Variants in UCHL3 observed in about 807,000 individuals in gnomAD.
UCHL3 encodes ubiquitin C-terminal hydrolase L3, also known as ubiquitin carboxyl-terminal hydrolase isozyme L3.
UCHL3 carries 22 observed loss-of-function variants against 35.8 expected under a neutral mutation model. The observed-to-expected ratio is 0.61, with a 90% CI of 0.44 to 0.88. The LOEUF is 0.88. Ranked by LOEUF, UCHL3 falls within the 40% of genes least tolerant of loss-of-function variation. The pLI is 0.00. For missense variants in UCHL3, 229 were observed against 276.9 expected (o/e 0.83, Z 1.23); for synonymous variants, 90 against 92.8 (o/e 0.97, Z 0.17).
chr13:75,605,772 A>G lies in UCHL3; in HGVS notation c.653A>G (p.Asp218Gly). Residue 218 changes from aspartate to glycine, a missense_variant, in exon 9 of 9, where the codon GAT (aspartate) becomes GGT (glycine). Transcript: ENST00000377595. ...AAGAAGTTTATGGAGCGCGACCCTG[A>G]TGAACTAAGATTTAATGCGATTGCT... Reference protein sequence around the residue: ...VCKKFMERDPDELRFNAIALS... With the variant: ...VCKKFMERDPGELRFNAIALS... The G allele has an allele frequency of 1.9e-6, 3 of 1,614,004 alleles. No individual in the cohort carries two copies. Among genetic ancestry groups the G allele is most frequent in the Non-Finnish European group, 2.5e-6 (3 of 1,179,988 alleles).
chr13:75,578,986 G>C (rs1241780261), intron 6 of UCHL3, among the ~76,000 whole-genome samples: 2 of 152,054 alleles, frequency 1.3e-5, no homozygotes, highest in African/African-American at 2.4e-5. Flanking sequence ...ATCTTCATTA[G>C]ATGTATATGT....
intron 7 of UCHL3, among the ~76,000 whole-genome samples, chr13:75,599,420 A>G (rs1013978631): frequency 4.6e-5 from 7 of 152,140 alleles, no homozygotes; most frequent in Non-Finnish European, 5.9e-5. Context: ...CTTTACATAT[A>G]TTTCATTTTT....
chr13:75,591,873 A>G (rs1360593117), intron 6 of UCHL3, among the ~76,000 whole-genome samples: 2 of 152,124 alleles, frequency 1.3e-5, no homozygotes, highest in Admixed American at 6.6e-5. Flanking sequence ...GATTATTTAT[A>G]TTAGACTTAC....
chr13:75,549,752 G>C, upstream of UCHL3: 1 of 1,455,950 alleles, frequency 6.9e-7, no homozygotes. Context: ...GTCAAGGCGC[G>C]CGTGGGCGGA....
chr13:75,564,385 C>T (rs981499339), intron 3 of UCHL3, among the ~76,000 whole-genome samples: 1 of 151,906 alleles, frequency 6.6e-6, no homozygotes. Flanking sequence ...CTCCTGACCT[C>T]GTGATCCACC....
intron 7 of UCHL3, among the ~76,000 whole-genome samples, chr13:75,597,450 C>T (rs2032672446): frequency 6.6e-6 from 1 of 151,916 alleles, no homozygotes; most frequent in Admixed American, 6.6e-5. Flanking sequence ...TCTGTGGGTT[C>T]TTGCATTGGT....
intron 6 of UCHL3, among the ~76,000 whole-genome samples, chr13:75,572,634 C>T (rs1333004032): frequency 6.6e-6 from 1 of 152,122 alleles, no homozygotes; most frequent in African/African-American, 2.4e-5. Flanking sequence ...CCAGAATTAG[C>T]TCAGAACTGT....
At chr13:75,564,960 T>C (rs572699830) in intron 3 of UCHL3, among the ~76,000 whole-genome samples, 39 of 152,292 alleles carry the variant, frequency 2.6e-4, no homozygotes, top group South Asian at 2.1e-3. Flanking sequence ...CCTCCCAAAG[T>C]GCTGGGATTA....
At position 75,605,854 on chromosome 13, in the gene UCHL3, C is replaced by G. The variant is rs887804108; in HGVS notation, c.*42C>G. On this transcript the variant is annotated 3_prime_UTR_variant, in exon 9 of 9. Coordinates refer to ENST00000377595, the MANE Select transcript of UCHL3 (RefSeq NM_006002.5). ...ACACCAAAAACTGTATTATTTGCAA[C>G]TAAATTTTCTCTGCCATACACTAAC... 3 of 1,595,116 alleles carry G rather than the reference C, an allele frequency of 1.9e-6. No homozygotes were observed. The highest frequency in any genetic ancestry group is 2.7e-5 in the African/African-American group (2 of 74,184).
chr13:75,558,278 T>A (rs2031359409), intron 2 of UCHL3, among the ~76,000 whole-genome samples: 1 of 152,250 alleles, frequency 6.6e-6, no homozygotes, highest in Admixed American at 6.5e-5. Context: ...AGTTTGATAC[T>A]AATTGGTATC....
At chr13:75,598,378 A>G (rs1458624887) in intron 7 of UCHL3, among the ~76,000 whole-genome samples, 2 of 152,246 alleles carry the variant, frequency 1.3e-5, no homozygotes, top group Non-Finnish European at 2.9e-5. Context: ...TTATTATAAC[A>G]TTGATCCAGT....
chr13:75,587,051 A>C (rs1372518817), intron 6 of UCHL3, among the ~76,000 whole-genome samples: 2 of 150,258 alleles, frequency 1.3e-5, no homozygotes, highest in East Asian at 3.9e-4. Flanking sequence ...AATTAAATCC[A>C]AAATGCATAA....
At chr13:75,577,832 G>T (rs1314375370) in intron 6 of UCHL3, among the ~76,000 whole-genome samples, 2 of 152,096 alleles carry the variant, frequency 1.3e-5, no homozygotes, top group Non-Finnish European at 2.9e-5. Flanking sequence ...TTACTTCATT[G>T]CCACTTAACT....
At position 75,599,733 on chromosome 13, in the gene UCHL3, C is replaced by G. The variant is rs142041198; in HGVS notation, c.550+4743C>G. 1.3e-3 allele frequency among the ~76,000 whole-genome samples: 200 copies of G among 152,314 alleles called. 1 individual carries two copies. The highest frequency in any genetic ancestry group is 4.6e-3 in the African/African-American group (191 of 41,574). On this transcript the variant is annotated intron_variant, in intron 7 of 8. Transcript: ENST00000377595. ...CCCCATCTCTTTTCCTCTCTTTGAA[C>G]TTCTCTATTCCCTGAGACACAATAA... is the stretch of plus-strand genomic sequence containing the variant.
chr13:75,559,064 G>T (rs2031394165), intron 2 of UCHL3, among the ~76,000 whole-genome samples: 1 of 94,014 alleles, frequency 1.1e-5, no homozygotes, highest in African/African-American at 4.4e-5. Context: ...TTTTGAGACG[G>T]AGTCTGGCTC....
chr13:75,577,896 CAGA>C (rs200083122), intron 6 of UCHL3, among the ~76,000 whole-genome samples: 6,795 of 152,178 alleles, frequency 0.045, 488 homozygotes, highest in African/African-American at 0.15. Context: ...GGAGCCAGCC[CAGA>C]TATGGGTAGA....
At chr13:75,585,399 G>T (rs1037127521) in intron 6 of UCHL3, among the ~76,000 whole-genome samples, 3 of 152,130 alleles carry the variant, frequency 2.0e-5, no homozygotes, top group Admixed American at 2.0e-4. Context: ...CACATAGAAT[G>T]ATATTTTTAG....
At chr13:75,570,412 A>G (rs2031818272) in intron 6 of UCHL3, among the ~76,000 whole-genome samples, 1 of 151,754 alleles carries the variant, frequency 6.6e-6, no homozygotes, top group Non-Finnish European at 1.5e-5. Flanking sequence ...ATTTTTTTGT[A>G]TTTTTAGTAG....
intron 6 of UCHL3, chr13:75,589,870 G>T: frequency 8.6e-7 from 1 of 1,166,314 alleles, no homozygotes; most frequent in Non-Finnish European, 1.1e-6. Flanking sequence ...ACCATACGTT[G>T]CTTTTAAGAA....
Sources: gnomAD v4.1 joint callset for allele counts (sites outside exome capture counted in the v4.1 genomes callset) on GRCh38, gnomAD v4.1.1 for gene constraint, MANE v1.5 for transcripts, NCBI Gene and HGNC (gene_info 2026-07-23, HGNC 2026-07-21) for gene names.